The following SLC36A4 variants were observed in gnomAD, a reference collection of about 807,000 sequenced individuals.
SLC36A4 encodes solute carrier family 36 member 4, also known as neutral amino acid uniporter 4.
Under a neutral mutation model 50.5 loss-of-function variants are expected in SLC36A4, and 49 were observed. The ratio of observed to expected loss-of-function variants is 0.97; its 90% confidence interval spans 0.77 to 1.23. The LOEUF (loss-of-function observed/expected upper bound fraction) is 1.23. Ranked by LOEUF, SLC36A4 falls within the 50% of genes most tolerant of loss-of-function variation. The pLI, the probability that SLC36A4 is intolerant of heterozygous loss-of-function variation, is 0.00. For synonymous variants in SLC36A4, 207 were observed against 206.5 expected, an observed-to-expected ratio of 1.00 and a Z score of -0.02; for missense variants, 611 against 608.4, an observed-to-expected ratio of 1.00 and a Z score of -0.05.
chr11:93,165,828 A>T, intron 8 of SLC36A4, 90 bp downstream of exon 8: 1 of 764,594 alleles, frequency 1.3e-6, no homozygotes, highest in Non-Finnish European at 2.0e-6. Flanking sequence ...ATAAAAAAGA[A>T]AAATATGCAA....
rs1859813441 is a variant in SLC36A4, at chr11:93,144,578, G to A, written c.*3959C>T. ...ATATGAAATTTTAAGAATCAAGAGTGATTTGCTATTTCACTTATCATAGGG... is the reference window on the plus strand; with the variant it reads ...ATATGAAATTTTAAGAATCAAGAGTAATTTGCTATTTCACTTATCATAGGG... On this transcript the variant is annotated 3_prime_UTR_variant, in exon 11 of 11. Coordinates refer to ENST00000326402, the MANE Select transcript of SLC36A4 (RefSeq NM_152313.4). 6.6e-6 allele frequency: 1 copy of A among 151,984 alleles called. No homozygotes were observed. Among genetic ancestry groups the A allele is most frequent in the Non-Finnish European group, 1.5e-5 (1 of 67,958 alleles). The allele number at this position is 151,984 out of a possible 1,614,324, so 9.4% of individuals were successfully genotyped here.
intron 1 of SLC36A4, among the ~76,000 whole-genome samples, chr11:93,192,679 C>A (rs971998615): frequency 2.0e-5 from 3 of 152,072 alleles, no homozygotes; most frequent in African/African-American, 7.2e-5. Flanking sequence ...CATACTAAGT[C>A]TTTGAAATGC....
In SLC36A4 at chr11:93,197,917, C is replaced by T. The variant is rs1048520044; in HGVS notation, c.-85G>A. The T allele has an allele frequency of 5.1e-5, 69 of 1,358,586 alleles. No individual in the cohort carries two copies. Among genetic ancestry groups the T allele is most frequent in the Non-Finnish European group, 2.0e-5 (21 of 1,041,412 alleles). 84.2% of individuals were successfully genotyped at this position (1,358,586 alleles called of 1,614,324 possible). ...CGGCGTCAGGCCCAGGCCTACCTCC[C>T]CTGCCCGGAGGGACCCGCGCCTGGT... On this transcript the variant is annotated 5_prime_UTR_variant, in exon 1 of 11. Transcript: ENST00000326402.
At chr11:93,164,667 G>T (rs918248532) in intron 8 of SLC36A4, among the ~76,000 whole-genome samples, 10 of 152,194 alleles carry the variant, frequency 6.6e-5, no homozygotes, top group Middle Eastern at 3.2e-3. Context: ...CAAGAATGGT[G>T]GCAGTGCAGC....
chr11:93,150,159 G>A (rs1860013849), intron 10 of SLC36A4, among the ~76,000 whole-genome samples: 1 of 151,998 alleles, frequency 6.6e-6, no homozygotes, highest in South Asian at 2.1e-4. Flanking sequence ...AGGGTCTGGA[G>A]TTGCCACCAG....
At chr11:93,193,903 T>G (rs1401387647) in intron 1 of SLC36A4, among the ~76,000 whole-genome samples, 1 of 152,162 alleles carries the variant, frequency 6.6e-6, no homozygotes, top group Admixed American at 6.5e-5. Context: ...ATTAAAACAT[T>G]ACTGACGTTG....
intron 6 of SLC36A4, among the ~76,000 whole-genome samples, chr11:93,177,163 T>G (rs988191250): frequency 2.0e-5 from 3 of 152,176 alleles, no homozygotes; most frequent in Non-Finnish European, 4.4e-5. Context: ...TTTTTATTCT[T>G]TTTTCTCTAA....
At chr11:93,152,420 T>C (rs1421812852) in intron 10 of SLC36A4, 1 of 152,134 alleles carries the variant, frequency 6.6e-6, no homozygotes, top group African/African-American at 2.4e-5. Context: ...ACAAATGAAG[T>C]TCAGGTTCAG....
At chr11:93,172,095 G>A (rs1281134303) in intron 6 of SLC36A4, among the ~76,000 whole-genome samples, 1 of 151,656 alleles carries the variant, frequency 6.6e-6, no homozygotes, top group Non-Finnish European at 1.5e-5. Context: ...TTAATTATTT[G>A]CAAATATCTA....
At chr11:93,189,284 G>C (rs935793083) in intron 1 of SLC36A4, among the ~76,000 whole-genome samples, 1 of 151,924 alleles carries the variant, frequency 6.6e-6, no homozygotes, top group Admixed American at 6.6e-5. Flanking sequence ...TGCTGGTCTC[G>C]AACTCCTAAC....
chr11:93,181,806 A>G lies in SLC36A4; in HGVS notation c.360-20T>C. The G allele has an allele frequency of 6.5e-7, 1 of 1,528,766 alleles. No homozygotes were observed. 94.7% of individuals were successfully genotyped at this position (1,528,766 alleles called of 1,614,324 possible). ...TTAAACCTGTAATTTAATGACATAC[A>G]TACAAAGGAAAAAAGAAAAATTTTA... On this transcript the variant is annotated intron_variant, in intron 4 of 10. Transcript: ENST00000326402.
At chr11:93,193,110 C>T (rs967812453) in intron 1 of SLC36A4, 1 of 751,822 alleles carries the variant, frequency 1.3e-6, no homozygotes, top group Non-Finnish European at 1.6e-6. Context: ...TTTTTAAATG[C>T]CAATCTTTGA....
At chr11:93,157,226 A>G (rs12786007) in intron 9 of SLC36A4, among the ~76,000 whole-genome samples, 35,789 of 152,078 alleles carry the variant, frequency 0.24, 4,887 homozygotes, top group Non-Finnish European at 0.31. Context: ...TTCCAGTACA[A>G]TGCTGTTTTG....
rs552643862 is a variant in SLC36A4 at position 93,168,285 on chromosome 11, T to C, written c.541-114A>G. 4 of 491,306 alleles carry C rather than the reference T, an allele frequency of 8.1e-6. No individual in the cohort carries two copies. The East Asian group carries it at 1.0e-4, about 13-fold the overall frequency. 30.4% of individuals were successfully genotyped at this position (491,306 alleles called of 1,614,324 possible). ...ATATACACTCTACAATAAATTCCTA[T>C]GATATATTTTAAAATATTTACATTT... is the stretch of plus-strand genomic sequence containing the variant. On this transcript the variant is annotated intron_variant, in intron 6 of 10. Coordinates refer to ENST00000326402, the MANE Select transcript of SLC36A4 (RefSeq NM_152313.4).
chr11:93,179,928 A>G (rs915822868), intron 6 of SLC36A4: 4 of 247,860 alleles, frequency 1.6e-5, no homozygotes, highest in African/African-American at 9.3e-5. Context: ...CAGTTTGCCA[A>G]TTCTCAGTGA....
chr11:93,153,184 G>A (rs561826919), intron 10 of SLC36A4, among the ~76,000 whole-genome samples: 1 of 152,078 alleles, frequency 6.6e-6, no homozygotes, highest in East Asian at 1.9e-4. Context: ...ATTCTAAATA[G>A]TGCAAGATGT....
chr11:93,173,424 T>C (rs1219014140), intron 6 of SLC36A4, among the ~76,000 whole-genome samples: 1 of 147,086 alleles, frequency 6.8e-6, no homozygotes, highest in Admixed American at 6.8e-5. Context: ...GTAGTTTCTT[T>C]TGCTGTGCAG....
Position 93,168,067 on chromosome 11 carries a change from G to C in SLC36A4, c.645C>G (p.Cys215Trp). 6.2e-7 allele frequency: 1 copy of C among 1,612,276 alleles called. No homozygotes were observed. The highest frequency in any genetic ancestry group is 2.2e-5 in the East Asian group (1 of 44,784). Residue 215 changes from cysteine (C) to tryptophan (W), a missense_variant, in exon 7 of 11, where the codon TGC becomes TGG. Transcript: ENST00000326402. ...CCAAAAGAATTATAAATGGAAGAAA[G>C]CAAAGCATATATATCCTTAGGTCAA... is the stretch of plus-strand genomic sequence containing the variant. ...RSVDLRIYMLCFLPFIILLVF... is the reference protein window; with the variant it reads ...RSVDLRIYMLWFLPFIILLVF...
At chr11:93,160,427 C>T (rs886076326) in intron 9 of SLC36A4, 57 of 985,220 alleles carry the variant, frequency 5.8e-5, no homozygotes, top group Non-Finnish European at 6.7e-5. Flanking sequence ...ATCTAATGGT[C>T]CCTTTTAAAT....
Sources: allele counts gnomAD v4.1 joint callset (sites outside exome capture counted in the v4.1 genomes callset), GRCh38; gene constraint gnomAD v4.1.1; transcripts MANE v1.5; gene names NCBI Gene and HGNC (gene_info 2026-07-23, HGNC 2026-07-21).